The following RUFY1 variants were observed in gnomAD, a reference collection of about 807,000 sequenced individuals.
RUFY1 encodes the protein RUN and FYVE domain-containing protein 1.
A neutral mutation model predicts 94.6 loss-of-function variants in RUFY1; 54 were observed. That is an observed-to-expected ratio of 0.57 (90% CI 0.46 to 0.72). The LOEUF is 0.72. RUFY1 is among the 30% of genes least tolerant of loss of function. RUFY1 has a pLI of 0.00. For missense variants in RUFY1, 883 were observed against 883.9 expected (o/e 1.00, Z 0.01); for synonymous variants, 396 against 347.3 (o/e 1.14, Z -1.56).
chr5:179,578,092 C>T lies in RUFY1; in HGVS notation c.890+956C>T, dbSNP rs188388826. 3.7e-3 allele frequency among the ~76,000 whole-genome samples: 557 copies of T among 152,232 alleles called. 3 individuals are homozygous for T. Among genetic ancestry groups the T allele is most frequent in the African/African-American group, 0.013 (544 of 41,518 alleles). ...CCCTCAAAGGAAGACTGTTTAATGCCTTACAGGTATTTGTTGATCGTCTAT... is the reference window on the plus strand; with the variant it reads ...CCCTCAAAGGAAGACTGTTTAATGCTTTACAGGTATTTGTTGATCGTCTAT... On this transcript the variant is annotated intron_variant, in intron 6 of 17. Coordinates refer to ENST00000319449, the MANE Select transcript of RUFY1 (RefSeq NM_025158.5).
rs149099074 is a variant in RUFY1 at position 179,580,241 on chromosome 5, G to GTGTGTGTGTGTATA, written c.891-705_891-704insGTGTGTGTGTATAT. 2.3e-3 allele frequency among the ~76,000 whole-genome samples: 215 copies of GTGTGTGTGTGTATA among 93,872 alleles called. 1 individual carries two copies. The highest frequency in any genetic ancestry group is 3.4e-3 in the Admixed American group (31 of 9,038). 61.6% of individuals were successfully genotyped at this position (93,872 alleles called of 152,430 possible). Reference sequence around the variant, plus strand: ...TGTGTGTGTGTGTGTGTGTGTGTGTGTATATTTTTTTTTTTTTTTGAGACG... The same window carrying GTGTGTGTGTGTATA: ...TGTGTGTGTGTGTGTGTGTGTGTGTGTGTGTGTGTGTATATATATTTTTTTTTTTTTTTGAGACG... On this transcript the variant is annotated intron_variant, in intron 6 of 17. Coordinates refer to ENST00000319449, the MANE Select transcript of RUFY1 (RefSeq NM_025158.5).
intron 15 of RUFY1, 113 bp downstream of exon 15, chr5:179,602,099 G>A: frequency 1.2e-6 from 1 of 808,424 alleles, no homozygotes; most frequent in Non-Finnish European, 2.1e-6. Context: ...CCATTTAGGA[G>A]CTCAGTCCGC....
intron 8 of RUFY1, 74 bp downstream of exon 8, chr5:179,585,939 GC>G: frequency 1.7e-6 from 2 of 1,197,750 alleles, no homozygotes; most frequent in South Asian, 2.5e-5. Context: ...TAGTCGGTCT[GC>G]GATAGCAGAG....
intron 3 of RUFY1, among the ~76,000 whole-genome samples, chr5:179,565,534 A>G (rs1003442617): frequency 1.3e-5 from 2 of 152,198 alleles, no homozygotes; most frequent in South Asian, 2.1e-4. Context: ...AAAATTCAGC[A>G]TTAAAGTGCA....
In RUFY1 at chr5:179,590,369, G is replaced by C. The variant is rs139994260; in HGVS notation, c.1128+722G>C. 6.6e-3 allele frequency among the ~76,000 whole-genome samples: 992 copies of C among 150,766 alleles called. 17 individuals are homozygous for C. The highest frequency in any genetic ancestry group is 0.023 in the African/African-American group (946 of 41,040). ...ACTCCGTCTCAAAAAAAAAAAGAGA[G>C]ACCATATCTGATTGACTTCTAAATT... On this transcript the variant is annotated intron_variant, in intron 9 of 17. Transcript: ENST00000319449.
At chr5:179,590,246 C>T (rs975077271) in intron 9 of RUFY1, among the ~76,000 whole-genome samples, 4 of 151,194 alleles carry the variant, frequency 2.6e-5, no homozygotes, top group Admixed American at 2.0e-4. Flanking sequence ...CCCAGCTGCT[C>T]GGGAGGCTGA....
intron 13 of RUFY1, chr5:179,597,062 GATTTTTT>G (rs1562085974): frequency 5.3e-6 from 1 of 188,474 alleles, no homozygotes; most frequent in African/African-American, 2.4e-5. Flanking sequence ...TTCATCTACA[GATTTTTT>G]ATTTTTTAAG....
intron 9 of RUFY1, among the ~76,000 whole-genome samples, chr5:179,591,278 G>A (rs963369832): frequency 5.3e-5 from 8 of 151,694 alleles, no homozygotes; most frequent in Admixed American, 2.6e-4. Flanking sequence ...TCTGCCTCCC[G>A]GGTTCACGCC....
intron 15 of RUFY1, among the ~76,000 whole-genome samples, chr5:179,604,996 GAAA>G (rs1409339272): frequency 7.3e-6 from 1 of 136,888 alleles, no homozygotes; most frequent in South Asian, 2.4e-4. Context: ...AAAAAAAAAA[GAAA>G]AAAAGAAAAA....
chr5:179,604,973 G>C (rs1280224645), intron 15 of RUFY1, among the ~76,000 whole-genome samples: 2 of 137,002 alleles, frequency 1.5e-5, no homozygotes, highest in East Asian at 2.2e-4. Context: ...AATGCAGCAA[G>C]ACTCCATCTC....
chr5:179,581,881 C>T (rs1263335795), intron 7 of RUFY1, among the ~76,000 whole-genome samples: 8 of 151,730 alleles, frequency 5.3e-5, no homozygotes, highest in South Asian at 2.1e-4. Flanking sequence ...GACAGTGCTC[C>T]GCCATGTTGC....
intron 15 of RUFY1, among the ~76,000 whole-genome samples, chr5:179,605,058 CAATT>C (rs1054724878): frequency 2.0e-5 from 3 of 151,818 alleles, no homozygotes; most frequent in Non-Finnish European, 4.4e-5. Flanking sequence ...GCAGGTGGGT[CAATT>C]GAGGTCAGGA....
At chr5:179,579,679 T>TTTTTTTTTG (rs869139533) in intron 6 of RUFY1, among the ~76,000 whole-genome samples, 1 of 138,652 alleles carries the variant, frequency 7.2e-6, no homozygotes, top group Non-Finnish European at 1.5e-5. Flanking sequence ...TTTTTTTTTT[T>TTTTTTTTTG]GAGATGGAAT....
At chr5:179,591,431 G>A (rs566686239) in intron 9 of RUFY1, among the ~76,000 whole-genome samples, 194 bp from the exon 10 acceptor site, 51 of 152,172 alleles carry the variant, frequency 3.4e-4, no homozygotes, top group African/African-American at 7.9e-4. Context: ...TGATCCGCCC[G>A]CCTCGGCCTC....
At chr5:179,586,525 TGA>T (rs771270290) in intron 8 of RUFY1, 8 of 443,726 alleles carry the variant, frequency 1.8e-5, no homozygotes. Context: ...ACAAGGGCTC[TGA>T]GAGGGGCTTG....
intron 5 of RUFY1, among the ~76,000 whole-genome samples, chr5:179,573,149 C>T (rs1293614493): frequency 6.6e-6 from 1 of 152,148 alleles, no homozygotes; most frequent in Non-Finnish European, 1.5e-5. Flanking sequence ...CTTTTAATGA[C>T]TGGAGCCAGA....
chr5:179,599,832 G>A (rs533246640), intron 14 of RUFY1, among the ~76,000 whole-genome samples: 2 of 152,390 alleles, frequency 1.3e-5, no homozygotes, highest in East Asian at 3.9e-4. Context: ...CTGCCCCGGA[G>A]GGGCCTTCAG....
At chr5:179,609,325 C>T (rs563554758) in intron 17 of RUFY1, 51 bp from the exon 18 acceptor site, 18 of 1,588,530 alleles carry the variant, frequency 1.1e-5, no homozygotes, top group South Asian at 5.7e-5. Flanking sequence ...GGAGGGTGTG[C>T]GGATGGCTTT....
chr5:179,609,669 A>T lies in RUFY1; in HGVS notation c.*150A>T. ...GGCACTCCAGAAGACAGCGTGCCGG[A>T]ACCGGCAGCTCTCACCTTTCTGTGA... On this transcript the variant is annotated 3_prime_UTR_variant, in exon 18 of 18. Coordinates refer to ENST00000319449, the MANE Select transcript of RUFY1 (RefSeq NM_025158.5). 1 of 703,292 alleles carries T rather than the reference A, an allele frequency of 1.4e-6. No individual in the cohort carries two copies. The highest frequency in any genetic ancestry group is 2.2e-6 in the Non-Finnish European group (1 of 452,184). 43.6% of individuals were successfully genotyped at this position (703,292 alleles called of 1,614,324 possible).
Sources: allele counts gnomAD v4.1 joint callset (sites outside exome capture counted in the v4.1 genomes callset), GRCh38; gene constraint gnomAD v4.1.1; transcripts MANE v1.5; gene names NCBI Gene and HGNC (gene_info 2026-07-23, HGNC 2026-07-21).